Variants in CPN1 observed in about 807,000 individuals in gnomAD.
CPN1 encodes carboxypeptidase N subunit 1, also known as carboxypeptidase N catalytic chain.
In CPN1, 37 loss-of-function variants were observed where a neutral mutation model predicts 46.4. The ratio of observed to expected loss-of-function variants is 0.80; its 90% CI spans 0.61 to 1.05. The LOEUF is 1.05. Ranked by LOEUF, CPN1 falls within the 50% of genes least tolerant of loss-of-function variation. CPN1 has a pLI of 0.00. For synonymous variants in CPN1, 224 were observed against 235.4 expected (o/e 0.95, Z 0.44); for missense variants, 563 against 602.6 (o/e 0.93, Z 0.69).
chr10:100,074,381 A>G (rs971654881), intron 2 of CPN1, among the ~76,000 whole-genome samples: 1 of 152,182 alleles, frequency 6.6e-6, no homozygotes, highest in African/African-American at 2.4e-5. Context: ...CCAGCTTCCC[A>G]GAGATGGCTC....
chr10:100,046,252 C>T (rs764839061), intron 8 of CPN1, among the ~76,000 whole-genome samples: 1 of 152,224 alleles, frequency 6.6e-6, no homozygotes, highest in Non-Finnish European at 1.5e-5. Context: ...CAGAAGAATG[C>T]AAGCCCGCTG....
At chr10:100,065,425 C>A (rs1257119401) in intron 3 of CPN1, 55 bp from the exon 4 acceptor site, 1 of 1,602,502 alleles carries the variant, frequency 6.2e-7, no homozygotes, top group African/African-American at 1.3e-5. Flanking sequence ...ACCAAACAAA[C>A]GGCGGTTAGA....
chr10:100,048,634 G>A (rs536717043), intron 8 of CPN1, 124 bp downstream of exon 8: 1 of 785,408 alleles, frequency 1.3e-6, no homozygotes, highest in East Asian at 2.5e-5. Context: ...AGGAGATCGA[G>A]GCTGCAGTGA....
Position 100,081,444 on chromosome 10 carries a change from T to C in CPN1, c.182A>G (p.Tyr61Cys). The C allele has an allele frequency of 6.2e-7, 1 of 1,613,734 alleles. No individual in the cohort carries two copies. The highest frequency in any genetic ancestry group is 1.7e-4 in the Middle Eastern group (1 of 5,766). The change falls in exon 1 of 9, where the codon TAC becomes TGC. Residue 61 changes from tyrosine (Y) to cysteine (C), a missense_variant. Coordinates refer to ENST00000370418, the MANE Select transcript of CPN1 (RefSeq NM_001308.3). ...IGRSVEGRHLYVLEFSDHPGI... is the reference protein window; with the variant it reads ...IGRSVEGRHLCVLEFSDHPGI... ...AGGGTGGTCGCTGAACTCCAGCACG[T>C]AGAGGTGTCTCCCCTCCACGCTGCG...
At chr10:100,075,810 T>C (rs1227959704) in intron 2 of CPN1, 101 bp downstream of exon 2, 23 of 1,211,398 alleles carry the variant, frequency 1.9e-5, no homozygotes, top group Non-Finnish European at 7.1e-6. Flanking sequence ...CTTTTAACAT[T>C]TGTGATATTT....
intron 1 of CPN1, among the ~76,000 whole-genome samples, chr10:100,077,778 A>T (rs1461964167): frequency 6.6e-6 from 1 of 152,108 alleles, no homozygotes; most frequent in Non-Finnish European, 1.5e-5. Context: ...TGGTGTTAAA[A>T]TGTCTTTTCT....
At chr10:100,050,726 G>A (rs1564771008) in intron 7 of CPN1, among the ~76,000 whole-genome samples, 1 of 152,158 alleles carries the variant, frequency 6.6e-6, no homozygotes, top group Non-Finnish European at 1.5e-5. Flanking sequence ...CCAGACTCAA[G>A]CAATTTTCCT....
chr10:100,053,936 C>T (rs560370983), intron 7 of CPN1, among the ~76,000 whole-genome samples: 4 of 152,036 alleles, frequency 2.6e-5, no homozygotes, highest in South Asian at 2.1e-4. Flanking sequence ...GCCAAGTCAG[C>T]GACAAGGCTA....
chr10:100,077,072 T>C (rs2041519650), intron 1 of CPN1, among the ~76,000 whole-genome samples: 1 of 152,156 alleles, frequency 6.6e-6, no homozygotes. Context: ...AATACTTTCC[T>C]GCGTCCATGA....
At chr10:100,081,075 G>A (rs2041542066) in intron 1 of CPN1, among the ~76,000 whole-genome samples, 1 of 152,098 alleles carries the variant, frequency 6.6e-6, no homozygotes, top group African/African-American at 2.4e-5. Context: ...GGTGGGGAAA[G>A]ACAGAACAAT....
intron 3 of CPN1, among the ~76,000 whole-genome samples, chr10:100,067,453 A>G (rs1475254196): frequency 6.6e-6 from 1 of 152,178 alleles, no homozygotes; most frequent in Non-Finnish European, 1.5e-5. Flanking sequence ...TACTTGAACC[A>G]AGAGGATAGT....
At chr10:100,071,729 C>T (rs1452504347) in intron 2 of CPN1, among the ~76,000 whole-genome samples, 5 of 152,150 alleles carry the variant, frequency 3.3e-5, no homozygotes, top group African/African-American at 1.2e-4. Context: ...TTAAACAGTA[C>T]ATTATAACAA....
In CPN1 at chr10:100,076,009, G is replaced by T. The variant is rs146812654; in HGVS notation, c.322C>A (p.Arg108=). 1.9e-6 allele frequency: 3 copies of T among 1,614,104 alleles called. No individual in the cohort carries two copies. The highest frequency in any genetic ancestry group is 2.2e-5 in the South Asian group (2 of 91,074). Residue 108 remains arginine (R), a synonymous_variant, in exon 2 of 9, where the codon CGG becomes AGG. Transcript: ENST00000370418. ...QLSEFLCEEF[R]NRNQRIVQLI... is the part of the protein sequence containing the mutation. ...TGGACGATGCGCTGGTTCCTGTTCCGGAACTCCTCGCACAGAAACTCCGAC... is the reference window on the plus strand; with the variant it reads ...TGGACGATGCGCTGGTTCCTGTTCCTGAACTCCTCGCACAGAAACTCCGAC...
chr10:100,081,857 C>A lies in CPN1; in HGVS notation c.-232G>T. ...CCTTTCTTTCTCTAATCCAGGAAAG[C>A]CTTTTGAAAGGTTTTTTGCACTTCC... On this transcript the variant is annotated 5_prime_UTR_variant, in exon 1 of 9. Coordinates refer to ENST00000370418, the MANE Select transcript of CPN1 (RefSeq NM_001308.3). 1 of 532,204 alleles carries A rather than the reference C, an allele frequency of 1.9e-6. No homozygotes were observed. The highest frequency in any genetic ancestry group is 5.2e-4 in the Middle Eastern group (1 of 1,910). The allele number at this position is 532,204 out of a possible 1,614,324, so 33.0% of individuals were successfully genotyped here. A position where few individuals can be genotyped will look rare whatever the true frequency, so the allele number is the denominator to read the frequency against.
chr10:100,080,486 C>T (rs1231212864), intron 1 of CPN1, among the ~76,000 whole-genome samples: 3 of 152,174 alleles, frequency 2.0e-5, no homozygotes, highest in Non-Finnish European at 4.4e-5. Context: ...GAAGGATATA[C>T]ATCAATACAT....
Position 100,050,277 on chromosome 10 carries a change from G to A in CPN1, c.1112-1401C>T, listed in dbSNP as rs149303979. On this transcript the variant is annotated intron_variant, in intron 7 of 8. Transcript: ENST00000370418. ...GCTGAGGCAGGGTAATTGCTGGACC[G>A]TGAGAGGTGGAGGCTGCAGTGAGCC... is the stretch of plus-strand genomic sequence containing the variant. Among the ~76,000 whole-genome samples, 109 of 152,194 alleles carry A rather than the reference G, an allele frequency of 7.2e-4. 2 individuals are homozygous for A. Among genetic ancestry groups the A allele is most frequent in the African/African-American group, 2.4e-3 (101 of 41,556 alleles).
intron 2 of CPN1, among the ~76,000 whole-genome samples, 198 bp from the exon 3 acceptor site, chr10:100,070,067 C>T (rs1234753384): frequency 6.6e-6 from 1 of 151,870 alleles, no homozygotes; most frequent in Non-Finnish European, 1.5e-5. Context: ...GGACTACAAG[C>T]ACACACCACC....
At chr10:100,065,653 G>A (rs1385557030) in intron 3 of CPN1, among the ~76,000 whole-genome samples, 1 of 152,142 alleles carries the variant, frequency 6.6e-6, no homozygotes, top group Non-Finnish European at 1.5e-5. Flanking sequence ...AAACTATTCT[G>A]TATGATACCA....
At chr10:100,053,638 A>T (rs2041368064) in intron 7 of CPN1, among the ~76,000 whole-genome samples, 1 of 152,008 alleles carries the variant, frequency 6.6e-6, no homozygotes, top group Non-Finnish European at 1.5e-5. Flanking sequence ...AAAGAAAAAG[A>T]AAAAAAGGTG....
Sources: gnomAD v4.1 joint callset for allele counts (sites outside exome capture counted in the v4.1 genomes callset) on GRCh38, gnomAD v4.1.1 for gene constraint, MANE v1.5 for transcripts, NCBI Gene and HGNC (gene_info 2026-07-23, HGNC 2026-07-21) for gene names.